OXR1: variants seen among roughly 807,000 people sequenced by gnomAD.
OXR1 encodes oxidation resistance 1, also known as oxidation resistance protein 1.
Under a neutral mutation model 104.6 loss-of-function variants are expected in OXR1, and 41 were observed. The ratio of observed to expected loss-of-function variants is 0.39; its 90% CI spans 0.31 to 0.51. OXR1 has a LOEUF of 0.51. OXR1 is among the 20% of genes least tolerant of loss of function. The pLI is 0.77. For synonymous variants in OXR1, 348 were observed against 348.4 expected, an observed-to-expected ratio of 1.00 and a Z score of 0.01; for missense variants, 955 against 1,031.9, an observed-to-expected ratio of 0.93 and a Z score of 1.02.
At chr8:106,677,578 A>T (rs900632869) in intron 3 of OXR1, among the ~76,000 whole-genome samples, 2 of 152,122 alleles carry the variant, frequency 1.3e-5, no homozygotes, top group African/African-American at 4.8e-5. Context: ...ATTTGCATTT[A>T]TCTAATTATG....
chr8:106,325,334 CCTT>C (rs1321834636), intron 1 of OXR1, among the ~76,000 whole-genome samples: 1 of 152,180 alleles, frequency 6.6e-6, no homozygotes, highest in East Asian at 1.9e-4. Flanking sequence ...CATGTGTTCT[CCTT>C]CATTTATTTC....
chr8:106,471,665 A>G (rs1473404212), intron 2 of OXR1, among the ~76,000 whole-genome samples: 1 of 151,874 alleles, frequency 6.6e-6, no homozygotes, highest in Non-Finnish European at 1.5e-5. Context: ...AAGGCAGCAT[A>G]CCAAGCTAGT....
intron 2 of OXR1, among the ~76,000 whole-genome samples, chr8:106,483,039 T>C (rs866361989): frequency 7.2e-5 from 11 of 151,924 alleles, no homozygotes; most frequent in African/African-American, 1.4e-4. Context: ...TCTGACTCCA[T>C]AGGAAAATAT....
chr8:106,671,132 G>A (rs1180084894), intron 3 of OXR1, among the ~76,000 whole-genome samples: 1 of 141,828 alleles, frequency 7.1e-6, no homozygotes, highest in Non-Finnish European at 1.5e-5. Flanking sequence ...TCAACCTCTA[G>A]TGGAAACCAC....
At chr8:106,524,431 C>T (rs75597364) in intron 3 of OXR1, among the ~76,000 whole-genome samples, 2,069 of 152,284 alleles carry the variant, frequency 0.014, 45 homozygotes, top group African/African-American at 0.046. Flanking sequence ...TCATATATCA[C>T]GGTCCAGCTT....
At chr8:106,426,464 A>T (rs1819125656) in intron 2 of OXR1, among the ~76,000 whole-genome samples, 1 of 152,178 alleles carries the variant, frequency 6.6e-6, no homozygotes, top group Non-Finnish European at 1.5e-5. Context: ...AAGTAGAGTT[A>T]TAAGTGATGG....
At position 106,706,825 on chromosome 8, in the gene OXR1, G is replaced by A. The variant is rs779221833; in HGVS notation, c.1304G>A (p.Gly435Asp). ...GCAGATAACTTTCAAGGAATATCAG[G>A]TCCTAAAGAAGACAGCACAAGTATA... ...QIADNFQGIS[G>D]PKEDSTSIKG... Residue 435 changes from glycine (G) to aspartate (D), a missense_variant, in exon 9 of 17, where the codon GGT becomes GAT. This residue lies in a region of OXR1 where 849 missense variants were observed against 852.9 expected (regional missense o/e 1.00). Transcript: ENST00000517566. The A allele has an allele frequency of 2.2e-5, 36 of 1,612,232 alleles. 1 individual carries two copies. The East Asian group carries it at 6.0e-4, about 27-fold the overall frequency.
intron 3 of OXR1, among the ~76,000 whole-genome samples, chr8:106,570,607 A>G (rs1817403663): frequency 6.6e-6 from 1 of 152,186 alleles, no homozygotes; most frequent in African/African-American, 2.4e-5. Flanking sequence ...AAATGGTGCA[A>G]GAAGAACCCT....
At chr8:106,564,639 C>T (rs1011614944) in intron 3 of OXR1, among the ~76,000 whole-genome samples, 5 of 152,150 alleles carry the variant, frequency 3.3e-5, no homozygotes, top group African/African-American at 4.8e-5. Flanking sequence ...TTTATGAGGT[C>T]AGCATCATTC....
intron 3 of OXR1, chr8:106,617,905 C>T (rs1265945858): frequency 6.6e-6 from 3 of 452,640 alleles, no homozygotes; most frequent in East Asian, 1.5e-4. Flanking sequence ...TCGTCGTCAC[C>T]GTTTCTAAAA....
intron 2 of OXR1, among the ~76,000 whole-genome samples, chr8:106,443,970 T>G (rs989101120): frequency 3.3e-5 from 5 of 151,944 alleles, no homozygotes; most frequent in Non-Finnish European, 7.4e-5. Context: ...TATCCAAAAT[T>G]TAAAAGGAAC....
intron 11 of OXR1, among the ~76,000 whole-genome samples, chr8:106,718,009 T>C (rs1832436594): frequency 1.3e-5 from 2 of 152,220 alleles, no homozygotes; most frequent in Non-Finnish European, 2.9e-5. Context: ...AGGAAACATA[T>C]CTTTGTAAAT....
At chr8:106,433,157 G>A (rs1467190217) in intron 2 of OXR1, among the ~76,000 whole-genome samples, 2 of 152,154 alleles carry the variant, frequency 1.3e-5, no homozygotes, top group African/African-American at 2.4e-5. Flanking sequence ...TAATTTGGTA[G>A]ATAGGGGCTT....
chr8:106,319,177 T>C (rs999417055), intron 1 of OXR1, among the ~76,000 whole-genome samples: 1 of 152,220 alleles, frequency 6.6e-6, no homozygotes, highest in African/African-American at 2.4e-5. Context: ...TTCCATGAGA[T>C]CTTCTAGCAG....
chr8:106,333,138 A>G (rs980518308), intron 1 of OXR1, among the ~76,000 whole-genome samples: 2 of 152,074 alleles, frequency 1.3e-5, no homozygotes, highest in Non-Finnish European at 2.9e-5. Context: ...ATATATTTTT[A>G]ATACTCTTGT....
At chr8:106,615,432 A>C (rs1407610344) in intron 3 of OXR1, among the ~76,000 whole-genome samples, 1 of 145,708 alleles carries the variant, frequency 6.9e-6, no homozygotes, top group African/African-American at 2.5e-5. Flanking sequence ...ACTCCGTCTC[A>C]AAAAAAAAAA....
chr8:106,605,955 T>TGATAATAATAAAATGTGGAC (rs1486729933), intron 3 of OXR1, among the ~76,000 whole-genome samples: 5 of 152,212 alleles, frequency 3.3e-5, no homozygotes, highest in African/African-American at 9.7e-5. Flanking sequence ...AAAATGTGGA[T>TGATAATAATAAAATGTGGAC]GATAATCCCA....
At chr8:106,469,160 A>G (rs1821350962) in intron 2 of OXR1, among the ~76,000 whole-genome samples, 1 of 151,464 alleles carries the variant, frequency 6.6e-6, no homozygotes, top group Non-Finnish European at 1.5e-5. Context: ...TCAGGAACCA[A>G]GGGATTCATT....
chr8:106,609,619 C>G (rs1241457580), intron 3 of OXR1, among the ~76,000 whole-genome samples: 3 of 152,064 alleles, frequency 2.0e-5, no homozygotes, highest in Admixed American at 2.0e-4. Flanking sequence ...TCTCTGGAGT[C>G]ATTATTGGGT....
Sources: allele counts gnomAD v4.1 joint callset (sites outside exome capture counted in the v4.1 genomes callset), GRCh38; gene constraint gnomAD v4.1.1; regional missense constraint gnomAD v4.1.1; transcripts MANE v1.5; gene names NCBI Gene and HGNC (gene_info 2026-07-23, HGNC 2026-07-21).